PTPA: variants seen among roughly 807,000 people sequenced by gnomAD.
The protein encoded by PTPA is serine/threonine-protein phosphatase 2A activator.
Under a neutral mutation model 43.6 loss-of-function variants are expected in PTPA, and 13 were observed. That is an observed-to-expected ratio of 0.30 (90% CI 0.19 to 0.47). PTPA has a LOEUF of 0.47. PTPA is among the 20% of genes least tolerant of loss of function. The pLI is 0.99. For missense variants in PTPA, 329 were observed against 411.9 expected, an observed-to-expected ratio of 0.80 and a Z score of 1.74; for synonymous variants, 172 against 158.2, an observed-to-expected ratio of 1.09 and a Z score of -0.66.
intron 7 of PTPA, among the ~76,000 whole-genome samples, chr9:129,137,271 C>T (rs1850433509): frequency 1.3e-5 from 2 of 152,166 alleles, no homozygotes; most frequent in South Asian, 4.1e-4. Context: ...CTGACTGGCA[C>T]CTGCACCAGG....
chr9:129,116,156 G>A (rs1848847929), intron 1 of PTPA, among the ~76,000 whole-genome samples: 1 of 151,666 alleles, frequency 6.6e-6, no homozygotes, highest in African/African-American at 2.4e-5. Context: ...TGAGTAGCTG[G>A]GATTACAGGC....
Position 129,129,843 on chromosome 9 carries a change from G to A in PTPA, c.342+733G>A, listed in dbSNP as rs200720636. 3.3e-5 allele frequency among the ~76,000 whole-genome samples: 5 copies of A among 152,268 alleles called. No individual in the cohort carries two copies. In the East Asian group the frequency reaches 5.8e-4, roughly 18 times the overall value. On this transcript the variant is annotated intron_variant, in intron 4 of 9. Transcript: ENST00000393370. ...TCTCAGAATTCGGGGAGGTTAAGGC[G>A]GGAGGATCACTTGAGCCCAGGAGTT...
intron 3 of PTPA, among the ~76,000 whole-genome samples, chr9:129,124,649 G>A (rs537500579): frequency 4.8e-4 from 73 of 152,320 alleles, no homozygotes; most frequent in African/African-American, 1.7e-3. Flanking sequence ...TGCTTTTGCT[G>A]GATGCTGTCT....
In PTPA at chr9:129,136,499, A is replaced by G. The variant is rs1214336585; in HGVS notation, c.589A>G (p.Lys197Glu). The G allele has an allele frequency of 1.9e-6, 3 of 1,613,698 alleles. No individual in the cohort carries two copies. The highest frequency in any genetic ancestry group is 1.7e-5 in the Admixed American group (1 of 59,944). Residue 197 changes from lysine (K) to glutamate (E), a missense_variant, in exon 7 of 10, where the codon AAA becomes GAA. Coordinates refer to ENST00000393370, the MANE Select transcript of PTPA (RefSeq NM_178000.3). ...RYLEVMRKLQKTYRMEPAGSQ... is the reference protein window; with the variant it reads ...RYLEVMRKLQETYRMEPAGSQ... ...CCTTGAGGTTATGCGGAAACTCCAG[A>G]AAACATACAGGATGGAGCCAGCCGG...
chr9:129,116,021 C>T (rs1005980042), intron 1 of PTPA, among the ~76,000 whole-genome samples: 2 of 151,780 alleles, frequency 1.3e-5, no homozygotes, highest in South Asian at 2.1e-4. Context: ...CTACCATGCC[C>T]GGCTAATTTT....
rs1293216950 is a variant in PTPA at position 129,137,602 on chromosome 9, C to T, written c.696C>T (p.Tyr232=). The T allele has an allele frequency of 1.2e-6, 2 of 1,611,678 alleles. No individual in the cohort carries two copies. The highest frequency in any genetic ancestry group is 2.2e-5 in the East Asian group (1 of 44,872). Residue 232 remains tyrosine (Y), a synonymous_variant, in exon 8 of 10, where the codon TAC becomes TAT. Transcript: ENST00000393370. ...CATTCCTTTTCCCAGACCACCCATA[C>T]CTGGAGCCCAGACACTTTGTGGATG... ...WGSSQLIDHP[Y]LEPRHFVDEK...
At chr9:129,125,503 A>G (rs757113808) in intron 3 of PTPA, among the ~76,000 whole-genome samples, 3 of 152,090 alleles carry the variant, frequency 2.0e-5, no homozygotes, top group Non-Finnish European at 4.4e-5. Context: ...TTGTCCTCCC[A>G]AAGTGCTGGG....
chr9:129,123,244 C>A, intron 3 of PTPA, 106 bp downstream of exon 3: 4 of 920,352 alleles, frequency 4.3e-6, no homozygotes, highest in Non-Finnish European at 5.1e-6. Context: ...GAGGCCGAGG[C>A]AGGCGGCTCA....
At chr9:129,142,659 ACT>A in intron 9 of PTPA, 107 bp downstream of exon 9, 1 of 1,555,224 alleles carries the variant, frequency 6.4e-7, no homozygotes, top group Non-Finnish European at 8.7e-7. Context: ...CTCCTACCCC[ACT>A]GTTTTGCTCT....
intron 3 of PTPA, among the ~76,000 whole-genome samples, chr9:129,128,536 CAAA>C (rs35647247): frequency 1.1e-4 from 13 of 117,322 alleles, no homozygotes; most frequent in African/African-American, 1.2e-4. Flanking sequence ...AACTCTGTCT[CAAA>C]AAAAAAAAAA....
intron 2 of PTPA, 116 bp downstream of exon 2, chr9:129,120,726 C>G (rs1849199670): frequency 3.5e-6 from 3 of 846,938 alleles, no homozygotes; most frequent in African/African-American, 1.7e-5. Context: ...TTTTCAGAAG[C>G]TAGGGAGAAA....
At chr9:129,135,954 A>AT (rs929167575) in intron 6 of PTPA, among the ~76,000 whole-genome samples, 3 of 151,864 alleles carry the variant, frequency 2.0e-5, no homozygotes, top group Admixed American at 6.6e-5. Flanking sequence ...CTAATCAGTG[A>AT]TTTTTTATTT....
chr9:129,132,256 G>A lies in PTPA; in HGVS notation c.460+617G>A, dbSNP rs185628152. On this transcript the variant is annotated intron_variant, in intron 5 of 9. Coordinates refer to ENST00000393370, the MANE Select transcript of PTPA (RefSeq NM_178000.3). ...GAGGGGGAGGATTGCCTGAGCTCAG[G>A]AGTTTAAGACCAGCCTAGGCAACGT... Among the ~76,000 whole-genome samples the A allele has an allele frequency of 5.1e-3, 779 of 152,130 alleles. 2 individuals carry two copies. Among genetic ancestry groups the A allele is most frequent in the Admixed American group, 9.5e-3 (145 of 15,286 alleles).
At chr9:129,138,726 TG>T (rs1049046196) in intron 8 of PTPA, among the ~76,000 whole-genome samples, 7 of 152,220 alleles carry the variant, frequency 4.6e-5, no homozygotes, top group African/African-American at 1.7e-4. Context: ...TGGAGAAAGC[TG>T]GGTTATAACC....
intron 3 of PTPA, among the ~76,000 whole-genome samples, chr9:129,124,912 T>A (rs1383961663): frequency 2.0e-5 from 3 of 152,246 alleles, no homozygotes; most frequent in African/African-American, 7.2e-5. Context: ...TGGGCCTGTC[T>A]GGCTATTAGG....
chr9:129,147,587 G>A lies in PTPA; in HGVS notation c.*123G>A, dbSNP rs1039589719. On this transcript the variant is annotated 3_prime_UTR_variant, in exon 10 of 10. Coordinates refer to ENST00000393370, the MANE Select transcript of PTPA (RefSeq NM_178000.3). ...CGTTTGATGAGAGGCTGTTTACTGG[G>A]GTGGGGTGGCGAGATGGGCTTGAGG... 6.8e-5 allele frequency: 76 copies of A among 1,111,258 alleles called. No homozygotes were observed. Among genetic ancestry groups the A allele is most frequent in the Middle Eastern group, 5.9e-4 (2 of 3,416 alleles). 68.8% of individuals were successfully genotyped at this position (1,111,258 alleles called of 1,614,324 possible).
rs906615685 is a variant in PTPA, at chr9:129,128,878, T to C, written c.217-107T>C. The C allele has an allele frequency of 3.0e-4, 414 of 1,402,510 alleles. 6 individuals carry two copies. Among genetic ancestry groups the C allele is most frequent in the South Asian group, 2.9e-3 (230 of 78,880 alleles). The allele number at this position is 1,402,510 out of a possible 1,614,324, so 86.9% of individuals were successfully genotyped here. ...AAGAGGGATGGGGGAGAGTTCCCAG[T>C]AGGGGCCATGCCAAGGGGTCATTGT... On this transcript the variant is annotated intron_variant, in intron 3 of 9. Coordinates refer to ENST00000393370, the MANE Select transcript of PTPA (RefSeq NM_178000.3).
At chr9:129,125,217 A>AT (rs1291627772) in intron 3 of PTPA, among the ~76,000 whole-genome samples, 1 of 151,740 alleles carries the variant, frequency 6.6e-6, no homozygotes, top group Non-Finnish European at 1.5e-5. Flanking sequence ...AAGTCCCCTA[A>AT]TTGCCCGTGG....
At chr9:129,142,948 GCAT>G in intron 9 of PTPA, 4 of 1,412,440 alleles carry the variant, frequency 2.8e-6, no homozygotes, top group Non-Finnish European at 3.7e-6. Context: ...CCCTTTGGAG[GCAT>G]CTCCAAAGTG....
Sources: gnomAD v4.1 joint callset for allele counts (sites outside exome capture counted in the v4.1 genomes callset) on GRCh38, gnomAD v4.1.1 for gene constraint, MANE v1.5 for transcripts, NCBI Gene and HGNC (gene_info 2026-07-23, HGNC 2026-07-21) for gene names.